ZNF582: variants seen among roughly 807,000 people sequenced by gnomAD.
The protein encoded by ZNF582 is zinc finger protein 582.
Under a neutral mutation model 12.3 loss-of-function variants are expected in ZNF582, and 14 were observed. The ratio of observed to expected loss-of-function variants is 1.14; its 90% CI spans 0.75 to 1.78. The LOEUF is 1.78. Ranked by LOEUF, ZNF582 falls within the 40% of genes most tolerant of loss-of-function variation. The pLI, the probability that ZNF582 is intolerant of heterozygous loss-of-function variation, is 0.00. For missense variants in ZNF582, 567 were observed against 616.5 expected (o/e 0.92, Z 0.85); for synonymous variants, 210 against 207.2 (o/e 1.01, Z -0.11).
At position 56,390,114 on chromosome 19, in the gene ZNF582, C is replaced by T; in HGVS notation, c.137-18G>A. On this transcript the variant is annotated intron_variant, in intron 3 of 4. Coordinates refer to ENST00000586929, the Ensembl canonical transcript of ZNF582. ...GGCAAGACCTGGAGATGAGAAGAAA[C>T]ATGCCACCTGGTTATGGTGTGGGGG... The T allele has an allele frequency of 1.2e-6, 2 of 1,611,846 alleles. No individual in the cohort carries two copies. Among genetic ancestry groups the T allele is most frequent in the Non-Finnish European group, 1.7e-6 (2 of 1,178,550 alleles).
At chr19:56,383,959 C>T in exon 5 of ZNF582, 1 of 1,613,622 alleles carries the variant, frequency 6.2e-7, no homozygotes, top group Non-Finnish European at 8.5e-7. Flanking sequence ...TGATGGAAGG[C>T]TTTTCTACAT....
exon 5 of ZNF582, chr19:56,384,248 G>C: frequency 6.2e-7 from 1 of 1,614,040 alleles, no homozygotes; most frequent in Non-Finnish European, 8.5e-7. Context: ...TTTCTCTCCA[G>C]TGTGAATTCT....
At chr19:56,393,153 A>G in intron 1 of ZNF582, 67 bp downstream of exon 1, 2 of 1,192,912 alleles carry the variant, frequency 1.7e-6, no homozygotes, top group Admixed American at 2.7e-5. Flanking sequence ...AAAAAAAAAA[A>G]GGCACGCATA....
intron 1 of ZNF582, among the ~76,000 whole-genome samples, chr19:56,393,005 T>C (rs1448181374): frequency 6.6e-6 from 1 of 152,160 alleles, no homozygotes; most frequent in African/African-American, 2.4e-5. Flanking sequence ...CACTCAAGTG[T>C]TTCCCCATTG....
intron 4 of ZNF582, among the ~76,000 whole-genome samples, chr19:56,387,989 G>GT (rs1455628758): frequency 3.3e-5 from 5 of 152,170 alleles, no homozygotes; most frequent in African/African-American, 1.2e-4. Flanking sequence ...AGTCAACATT[G>GT]TAAGAGCTGA....
At chr19:56,390,020 C>T (rs2042001722) in exon 4 of ZNF582, 2 of 1,613,880 alleles carry the variant, frequency 1.2e-6, no homozygotes, top group South Asian at 1.1e-5. Context: ...GGCCTCCAGA[C>T]ACCACTCTCT....
chr19:56,384,993 T>G (rs768759613), exon 5 of ZNF582: 2 of 1,614,164 alleles, frequency 1.2e-6, no homozygotes, highest in African/African-American at 1.3e-5. Flanking sequence ...CTGATGATCA[T>G]CTGATGGAAA....
At chr19:56,386,281 T>G (rs2041965391) in intron 4 of ZNF582, 1 of 152,226 alleles carries the variant, frequency 6.6e-6, no homozygotes, top group South Asian at 2.1e-4. Flanking sequence ...ACATGGCTGC[T>G]GTCTTCCTCT....
At chr19:56,393,342 G>A in exon 1 of ZNF582, 2 of 1,060,764 alleles carry the variant, frequency 1.9e-6, no homozygotes, top group Non-Finnish European at 1.3e-6. Context: ...GCGACGATGA[G>A]GCGAGACGTC....
chr19:56,385,249 A>G lies in ZNF582; in HGVS notation c.233-65T>C, dbSNP rs2041956774. 4 of 1,486,174 alleles carry G rather than the reference A, an allele frequency of 2.7e-6. 1 individual carries two copies. In the Admixed American group the frequency reaches 7.2e-5, roughly 27 times the overall value. 92.1% of individuals were successfully genotyped at this position (1,486,174 alleles called of 1,614,324 possible). On this transcript the variant is annotated intron_variant, in intron 4 of 4. Transcript: ENST00000586929. ...TTTTCCAGATAAAGGAACTAAAATA[A>G]GAACTGGAGGGTTTAGACTCAATGC... is the stretch of plus-strand genomic sequence containing the variant.
chr19:56,387,130 T>C (rs117392075), intron 4 of ZNF582, among the ~76,000 whole-genome samples: 58 of 152,370 alleles, frequency 3.8e-4, no homozygotes, highest in Non-Finnish European at 6.8e-4. Flanking sequence ...ATATGAGTGC[T>C]GTATTTTGTG....
intron 4 of ZNF582, 113 bp downstream of exon 4, chr19:56,389,888 A>T: frequency 1.3e-6 from 1 of 758,042 alleles, no homozygotes; most frequent in East Asian, 2.5e-5. Flanking sequence ...AACACGTAAG[A>T]CATAAGCTTT....
intron 2 of ZNF582, among the ~76,000 whole-genome samples, chr19:56,391,350 T>C (rs758793950): frequency 3.9e-5 from 6 of 152,234 alleles, no homozygotes; most frequent in Non-Finnish European, 7.3e-5. Flanking sequence ...CTCAATTACA[T>C]ATCCAATCAT....
At chr19:56,385,025 T>C (rs1568783827) in exon 5 of ZNF582, 1 of 1,614,194 alleles carries the variant, frequency 6.2e-7, no homozygotes, top group Non-Finnish European at 8.5e-7. Context: ...ATTTCCCTGT[T>C]GTCTGTCAAA....
At chr19:56,388,578 C>T (rs571708741) in intron 4 of ZNF582, among the ~76,000 whole-genome samples, 1 of 152,288 alleles carries the variant, frequency 6.6e-6, no homozygotes, top group South Asian at 2.1e-4. Context: ...CAGTGCTTTC[C>T]CTCTGCCCAC....
chr19:56,389,325 T>C (rs2041996444), intron 4 of ZNF582, among the ~76,000 whole-genome samples: 1 of 152,146 alleles, frequency 6.6e-6, no homozygotes, highest in Non-Finnish European at 1.5e-5. Context: ...AACAAACCGA[T>C]ACAAATTCCT....
At chr19:56,384,360 T>C (rs1234996199) in exon 5 of ZNF582, 3 of 1,607,634 alleles carry the variant, frequency 1.9e-6, no homozygotes, top group Non-Finnish European at 2.5e-6. Flanking sequence ...CGTATAAGAG[T>C]TGAGCCTTGA....
At chr19:56,390,575 C>A (rs2042007104) in intron 2 of ZNF582, 74 bp from the exon 3 acceptor site, 1 of 1,555,154 alleles carries the variant, frequency 6.4e-7, no homozygotes, top group Non-Finnish European at 8.8e-7. Context: ...TGGGGCAGGT[C>A]TTTGCGGGAG....
chr19:56,391,788 T>C (rs2042015901), exon 2 of ZNF582: 7 of 1,614,164 alleles, frequency 4.3e-6, no homozygotes, highest in East Asian at 2.2e-5. Context: ...AGGTCCTCCT[T>C]CTGGTTCCTC....
Sources: gnomAD v4.1 joint callset for allele counts (sites outside exome capture counted in the v4.1 genomes callset) on GRCh38, gnomAD v4.1.1 for gene constraint, MANE v1.5 for transcripts, NCBI Gene and HGNC (gene_info 2026-07-23, HGNC 2026-07-21) for gene names.